Variants in POMGNT1 observed in about 807,000 individuals in gnomAD.
The protein encoded by POMGNT1 is protein O-linked-mannose beta-1,2-N-acetylglucosaminyltransferase 1.
In POMGNT1, 67 loss-of-function variants were observed where a neutral mutation model predicts 95.6. The observed-to-expected ratio is 0.70, with a 90% CI of 0.58 to 0.86. The LOEUF is 0.86. Among genes scored for constraint, POMGNT1 ranks in the 40% least tolerant of loss-of-function variants. The probability of loss-of-function intolerance (pLI) is 0.00; values close to 1 mark genes in which losing one functional copy is unlikely to be tolerated. For synonymous variants in POMGNT1, 298 were observed against 317.9 expected (o/e 0.94, Z 0.66); for missense variants, 719 against 855.2 (o/e 0.84, Z 1.99).
In POMGNT1 at chr1:46,196,036, A is replaced by G. The variant is rs886043409; in HGVS notation, c.396T>C (p.His132=). The G allele has an allele frequency of 6.2e-7, 1 of 1,614,010 alleles. No individual in the cohort carries two copies. Among genetic ancestry groups the G allele is most frequent in the African/African-American group, 1.3e-5 (1 of 75,018 alleles). Residue 132 remains histidine, a synonymous_variant, in exon 5 of 22, where the codon CAT becomes CAC. Transcript: ENST00000371984. This position sits in a 1 kb window ranked among gnomAD's most constrained non-coding sequence, Gnocchi z 4.4. ...CCGTGGCCTGGTTGAGGACAATGACATGGATGCCCCGGCCCTGCTCCCGGG... is the reference window on the plus strand; with the variant it reads ...CCGTGGCCTGGTTGAGGACAATGACGTGGATGCCCCGGCCCTGCTCCCGGG... The part of the protein sequence containing the change: ...DEAREQGRGI[H]VIVLNQATGH...
At chr1:46,219,821 C>T (rs566362961) in exon 1 of POMGNT1, 52 of 1,614,202 alleles carry the variant, frequency 3.2e-5, no homozygotes, top group South Asian at 1.5e-4. Context: ...GCAGCAGCCT[C>T]ACCAGCAGTC....
chr1:46,193,208 T>C lies in POMGNT1; in HGVS notation c.1118A>G (p.Lys373Arg). The change falls in exon 13 of 22, where the codon AAG becomes AGG. Residue 373 changes from lysine to arginine, a missense_variant. Coordinates refer to ENST00000371984, the MANE Select transcript of POMGNT1 (RefSeq NM_017739.4). ...GTTGAAAGTGGCAGTGAGGCTGGCCTTGTAGTGCTGGGAGTGGGGTGGGAA... is the reference window on the plus strand; with the variant it reads ...GTTGAAAGTGGCAGTGAGGCTGGCCCTGTAGTGCTGGGAGTGGGGTGGGAA... ...IKNARVSQHY[K>R]ASLTATFNLF... 6.2e-7 allele frequency: 1 copy of C among 1,614,190 alleles called. No homozygotes were observed. Among genetic ancestry groups the C allele is most frequent in the South Asian group, 1.1e-5 (1 of 91,084 alleles).
chr1:46,193,398 A>G lies in POMGNT1; in HGVS notation c.1027-10T>C, dbSNP rs1271747146. 2.1e-5 allele frequency: 34 copies of G among 1,610,522 alleles called. No individual in the cohort carries two copies. Among genetic ancestry groups the G allele is most frequent in the Non-Finnish European group, 2.9e-5 (34 of 1,178,338 alleles). On this transcript the variant is annotated splice_polypyrimidine_tract_variant and intron_variant, in intron 11 of 21. Transcript: ENST00000371984. The stretch of plus-strand genomic sequence containing the variant: ...CCACATCCATGGGTTCCTGGGGGAC[A>G]TGGCCACTGCTCACCATGTGAGGTC...
intron 6 of POMGNT1, chr1:46,195,523 C>T (rs1658160245): frequency 2.1e-6 from 1 of 470,848 alleles, no homozygotes; most frequent in Non-Finnish European, 3.9e-6. Context: ...TCCACATTTA[C>T]TTGGCTGTTT....
intron 1 of POMGNT1, among the ~76,000 whole-genome samples, chr1:46,205,044 GC>G (rs1658667848): frequency 6.6e-6 from 1 of 152,132 alleles, no homozygotes; most frequent in Admixed American, 6.5e-5. Context: ...GATCGCTTGA[GC>G]CCAGGAGTTT....
chr1:46,219,514 C>T (rs570505501), intron 1 of POMGNT1, among the ~76,000 whole-genome samples: 4 of 152,174 alleles, frequency 2.6e-5, no homozygotes, highest in African/African-American at 9.7e-5. Context: ...TATGTCTAAT[C>T]AGTGGTAGAG....
intron 8 of POMGNT1, 23 bp from the exon 9 acceptor site, chr1:46,194,424 A>G: frequency 6.2e-7 from 1 of 1,614,178 alleles, no homozygotes. Flanking sequence ...TGCGGTTGTC[A>G]TGGAGGCATG....
In POMGNT1 at chr1:46,191,982, C is replaced by G. The variant is rs528667376; in HGVS notation, c.1539+116G>C. ...AGAAACTGAGGCAAAAATAGGATAG[C>G]TCTTTCCCCAAGGTTACATGGCTAG... On this transcript the variant is annotated intron_variant, in intron 17 of 21. Coordinates refer to ENST00000371984, the MANE Select transcript of POMGNT1 (RefSeq NM_017739.4). The G allele has an allele frequency of 3.8e-4, 549 of 1,443,240 alleles. 2 individuals are homozygous for G. The South Asian group carries it at 5.4e-3, about 14-fold the overall frequency. The allele number at this position is 1,443,240 out of a possible 1,614,324, so 89.4% of individuals were successfully genotyped here. A position where few individuals can be genotyped will look rare whatever the true frequency, so the allele number is the denominator to read the frequency against.
chr1:46,192,925 G>A lies in POMGNT1; in HGVS notation c.1186C>T (p.Leu396=). ...CTGAAAAAATCCACAGCAATGTCCA[G>A]GTCCTCTTCCAGAACCACAGCAAAC... ...AKFAVVLEED[L]DIAVDFFSFL... The change falls in exon 14 of 22, where the codon CTG becomes TTG. Residue 396 remains leucine, a synonymous_variant. Transcript: ENST00000371984. 1 of 1,614,136 alleles carries A rather than the reference G, an allele frequency of 6.2e-7. No individual in the cohort carries two copies.
Position 46,195,250 on chromosome 1 carries a change from G to T in POMGNT1, c.535-289C>A, listed in dbSNP as rs149446869. On this transcript the variant is annotated intron_variant, in intron 6 of 21. Coordinates refer to ENST00000371984, the MANE Select transcript of POMGNT1 (RefSeq NM_017739.4). ...CTCTCCTACTCTCCTCCCTTATTCT[G>T]CTCCACCTCGACTAGCATCTTTGCT... is the stretch of plus-strand genomic sequence containing the variant. 3.0e-4 allele frequency among the ~76,000 whole-genome samples: 46 copies of T among 152,060 alleles called. No homozygotes were observed. The South Asian group carries it at 4.8e-3, about 16-fold the overall frequency.
At position 46,196,661 on chromosome 1, in the gene POMGNT1, G is replaced by C; in HGVS notation, c.354+70C>G. 6.2e-7 allele frequency: 1 copy of C among 1,611,790 alleles called. No homozygotes were observed. On this transcript the variant is annotated intron_variant, in intron 4 of 21. Coordinates refer to ENST00000371984, the MANE Select transcript of POMGNT1 (RefSeq NM_017739.4). This position sits in a 1 kb window ranked among gnomAD's most constrained non-coding sequence, Gnocchi z 4.4. ...AGTTGCAGTTCCCACTTAGGCAGTAGACCCTGCTGCCAGTGGACCATGCCC... is the reference window on the plus strand; with the variant it reads ...AGTTGCAGTTCCCACTTAGGCAGTACACCCTGCTGCCAGTGGACCATGCCC...
chr1:46,194,472 A>C, intron 8 of POMGNT1, 71 bp from the exon 9 acceptor site: 1 of 1,614,104 alleles, frequency 6.2e-7, no homozygotes, highest in Non-Finnish European at 8.5e-7. Context: ...GCACACAATC[A>C]AAGGAATAAA....
In POMGNT1 at chr1:46,189,492, A is replaced by G. The variant is rs1166517895; in HGVS notation, c.1861T>C (p.Phe621Leu). The G allele has an allele frequency of 3.7e-6, 6 of 1,613,650 alleles. No homozygotes were observed. Among genetic ancestry groups the G allele is most frequent in the Non-Finnish European group, 4.2e-6 (5 of 1,179,768 alleles). ...GAAGCCGGGACCCCCACCATCAGGA[A>G]GTGGTTCTTCTTCCGAAACAATCTC... ...LWRLFRKKNH[F>L]LMVGVPASPY... Residue 621 changes from phenylalanine (F) to leucine (L), a missense_variant, in exon 21 of 22, where the codon TTC becomes CTC. Physicochemically the swap from Phe to Leu is conservative, Grantham distance 22. Transcript: ENST00000371984.
intron 6 of POMGNT1, 31 bp from the exon 7 acceptor site, chr1:46,194,992 C>G (rs1369996472): frequency 6.2e-7 from 1 of 1,606,886 alleles, no homozygotes; most frequent in Non-Finnish European, 8.5e-7. Context: ...GTTAGCCTGA[C>G]TGGCATGGTT....
intron 2 of POMGNT1, 68 bp from the exon 3 acceptor site, chr1:46,197,152 G>A (rs1304594364): frequency 6.2e-7 from 1 of 1,611,690 alleles, no homozygotes; most frequent in South Asian, 1.1e-5. Flanking sequence ...TTTCTGAAAG[G>A]AGGGCCCTGG....
At chr1:46,204,135 C>G (rs560081526) in intron 1 of POMGNT1, among the ~76,000 whole-genome samples, 92 of 152,296 alleles carry the variant, frequency 6.0e-4, no homozygotes, top group African/African-American at 2.2e-3. Flanking sequence ...AAACCTTCTC[C>G]GTTTCCTCTA....
chr1:46,192,631 A>G, intron 14 of POMGNT1, 41 bp from the exon 15 acceptor site: 1 of 1,611,160 alleles, frequency 6.2e-7, no homozygotes, highest in South Asian at 1.1e-5. Flanking sequence ...AGGGACAAGG[A>G]TAAATCTAGT....
chr1:46,201,332 C>T (rs1380283579), upstream of POMGNT1, among the ~76,000 whole-genome samples: 2 of 150,148 alleles, frequency 1.3e-5, no homozygotes, highest in East Asian at 2.0e-4. Context: ...GGCAACATAG[C>T]GAGACTCTAT....
intron 1 of POMGNT1, among the ~76,000 whole-genome samples, chr1:46,210,733 A>G (rs1311630097): frequency 6.6e-6 from 1 of 152,150 alleles, no homozygotes; most frequent in Non-Finnish European, 1.5e-5. Context: ...ACCACCCTCC[A>G]TCTGTTCAGC....
Sources: gnomAD v4.1 joint callset for allele counts (sites outside exome capture counted in the v4.1 genomes callset) on GRCh38, gnomAD v4.1.1 for gene constraint, Gnocchi (gnomAD v3.1) non-coding constraint, MANE v1.5 for transcripts, NCBI Gene and HGNC (gene_info 2026-07-23, HGNC 2026-07-21) for gene names.